VTI1A: variants seen among roughly 807,000 people sequenced by gnomAD.
VTI1A encodes vesicle transport through interaction with t-SNAREs homolog 1A.
Under a neutral mutation model 34.9 loss-of-function variants are expected in VTI1A, and 22 were observed. The observed-to-expected ratio is 0.63, with a 90% CI of 0.45 to 0.90. The LOEUF (loss-of-function observed/expected upper bound fraction) is 0.90. Among genes scored for constraint, VTI1A ranks in the 40% least tolerant of loss-of-function variants. VTI1A has a pLI of 0.00. For missense variants in VTI1A, 268 were observed against 275.6 expected (o/e 0.97, Z 0.20); for synonymous variants, 87 against 97.3 (o/e 0.89, Z 0.62).
intron 5 of VTI1A, among the ~76,000 whole-genome samples, chr10:112,622,223 A>G (rs1564852776): frequency 6.6e-6 from 1 of 152,164 alleles, no homozygotes; most frequent in Non-Finnish European, 1.5e-5. Context: ...GCCAAACTGC[A>G]AACCGGTCCC....
intron 5 of VTI1A, among the ~76,000 whole-genome samples, chr10:112,605,101 G>A (rs141611271): frequency 5.6e-4 from 85 of 152,168 alleles, no homozygotes; most frequent in African/African-American, 1.8e-3. Flanking sequence ...CCCTGACAAC[G>A]TAGCCAAACC....
intron 5 of VTI1A, among the ~76,000 whole-genome samples, chr10:112,558,369 C>T (rs569866146): frequency 6.6e-6 from 1 of 152,134 alleles, no homozygotes; most frequent in East Asian, 1.9e-4. Context: ...AAGGGAAAAA[C>T]CTCTGATTTT....
Position 112,810,333 on chromosome 10 carries a change from G to T in VTI1A, c.561-4957G>T, listed in dbSNP as rs187699056. Among the ~76,000 whole-genome samples the T allele has an allele frequency of 9.6e-4, 145 of 151,700 alleles. 2 individuals are homozygous for T. The East Asian group carries it at 0.02, about 21-fold the overall frequency. ...CACGAGAATCACTTGAACCTGGGAG[G>T]GGGAGGTTGTAGTGAGCTGAGATCG... On this transcript the variant is annotated intron_variant, in intron 7 of 7. Coordinates refer to ENST00000393077, the MANE Select transcript of VTI1A (RefSeq NM_145206.4).
chr10:112,726,309 A>G (rs1315294933), intron 7 of VTI1A, among the ~76,000 whole-genome samples: 2 of 152,184 alleles, frequency 1.3e-5, no homozygotes, highest in South Asian at 4.2e-4. Flanking sequence ...AGTGGGGAAC[A>G]CTTCTCTAAT....
intron 7 of VTI1A, among the ~76,000 whole-genome samples, chr10:112,726,218 T>C (rs1194116828): frequency 6.6e-6 from 1 of 152,112 alleles, no homozygotes; most frequent in Admixed American, 6.5e-5. Context: ...TCCAACCAGA[T>C]CCTGCTGCTT....
the VTI1A span, chr10:112,826,500 G>A: frequency 6.6e-6 from 1 of 152,288 alleles, no homozygotes; most frequent in African/African-American, 2.4e-5. Context: ...ATCCCAGCAA[G>A]TTGTGAAATG....
intron 3 of VTI1A, among the ~76,000 whole-genome samples, chr10:112,518,479 TAGG>T (rs1849868056): frequency 6.7e-6 from 1 of 149,606 alleles, no homozygotes; most frequent in Non-Finnish European, 1.5e-5. Flanking sequence ...GAGGCAGAGA[TAGG>T]AGGATTGCTT....
In VTI1A at chr10:112,525,572, GTTTA is replaced by G. The variant is rs532951038; in HGVS notation, c.265-1507_265-1504del. On this transcript the variant is annotated intron_variant, in intron 3 of 7. Transcript: ENST00000393077. ...CCCTAAAAAGCAAAGGAATGTCTAGGTTTATTTATTTTTATTTCTATTCAGCCTT... is the reference window on the plus strand; with the variant it reads ...CCCTAAAAAGCAAAGGAATGTCTAGGTTTATTTTTATTTCTATTCAGCCTT... Among the ~76,000 whole-genome samples, 386 of 152,244 alleles carry G rather than the reference GTTTA, an allele frequency of 2.5e-3. 1 individual carries two copies. The highest frequency in any genetic ancestry group is 4.3e-3 in the Non-Finnish European group (295 of 67,994).
At chr10:112,560,179 A>G (rs573600954) in intron 5 of VTI1A, among the ~76,000 whole-genome samples, 1 of 152,336 alleles carries the variant, frequency 6.6e-6, no homozygotes, top group South Asian at 2.1e-4. Context: ...TTTTCTATTC[A>G]GGATTCTCTG....
At position 112,815,597 on chromosome 10, in the gene VTI1A, A is replaced by AT; in HGVS notation, c.*216dup. ...CTTTTCGAGGTTTGTCTTCACCCAG[A>AT]TTCGTTTTTTAGAGGGGAAGGTGAA... is the stretch of plus-strand genomic sequence containing the variant. On this transcript the variant is annotated 3_prime_UTR_variant, in exon 8 of 8. Coordinates refer to ENST00000393077, the MANE Select transcript of VTI1A (RefSeq NM_145206.4). The AT allele has an allele frequency of 1.8e-6, 1 of 562,372 alleles. No individual in the cohort carries two copies. The highest frequency in any genetic ancestry group is 3.0e-5 in the East Asian group (1 of 33,774). 34.8% of individuals were successfully genotyped at this position (562,372 alleles called of 1,614,324 possible). A position where few individuals can be genotyped will look rare whatever the true frequency, so the allele number is the denominator to read the frequency against.
chr10:112,611,398 G>C (rs1845303382), intron 5 of VTI1A, among the ~76,000 whole-genome samples: 1 of 152,176 alleles, frequency 6.6e-6, no homozygotes. Flanking sequence ...CTGATTGATT[G>C]TCCATGCTTC....
intron 7 of VTI1A, among the ~76,000 whole-genome samples, chr10:112,805,891 T>G (rs993544076): frequency 6.6e-6 from 1 of 152,204 alleles, no homozygotes; most frequent in Admixed American, 6.5e-5. Flanking sequence ...AATAACTTTC[T>G]GTTGTTGAAG....
Position 112,574,911 on chromosome 10 carries a change from T to C in VTI1A, c.427+36581T>C, listed in dbSNP as rs1471952013. ...TTTGAATTCACTTTTTGAATACTGG[T>C]CCTAATATTGAACCCTGATATTTGC... On this transcript the variant is annotated intron_variant, in intron 5 of 7. Transcript: ENST00000393077. Among the ~76,000 whole-genome samples the C allele has an allele frequency of 2.0e-5, 3 of 152,226 alleles. No homozygotes were observed. In the South Asian group the frequency reaches 6.2e-4, roughly 32 times the overall value.
At chr10:112,447,214 C>G (rs1426198947), upstream of VTI1A, 1 of 657,698 alleles carries the variant, frequency 1.5e-6, no homozygotes, top group Non-Finnish European at 2.5e-6. Context: ...GAGATTGCGA[C>G]GAACAACCAG....
At chr10:112,601,101 A>G (rs1464646393) in intron 5 of VTI1A, among the ~76,000 whole-genome samples, 2 of 152,184 alleles carry the variant, frequency 1.3e-5, no homozygotes, top group Non-Finnish European at 2.9e-5. Context: ...TCCAGTTGCT[A>G]GCATTAGGGA....
At chr10:112,635,933 G>C (rs1469404430) in intron 5 of VTI1A, among the ~76,000 whole-genome samples, 1 of 152,178 alleles carries the variant, frequency 6.6e-6, no homozygotes, top group African/African-American at 2.4e-5. Context: ...ACTTGGAATA[G>C]TTTTTAACAG....
chr10:112,830,857 T>A, the VTI1A span, among the ~76,000 whole-genome samples: 23 of 54,930 alleles, frequency 4.2e-4, no homozygotes, highest in East Asian at 1.6e-3. Context: ...ATATTTTTTT[T>A]TTTTTTCTTG....
At chr10:112,590,800 C>T (rs1429853561) in intron 5 of VTI1A, among the ~76,000 whole-genome samples, 1 of 152,078 alleles carries the variant, frequency 6.6e-6, no homozygotes, top group Non-Finnish European at 1.5e-5. Flanking sequence ...GAGATAACCA[C>T]AACTCAAGAA....
intron 5 of VTI1A, among the ~76,000 whole-genome samples, chr10:112,557,298 AGT>A (rs1293886981): frequency 2.0e-5 from 3 of 152,122 alleles, no homozygotes; most frequent in Non-Finnish European, 4.4e-5. Flanking sequence ...CATAACTTGG[AGT>A]GTGTACCTTG....
Sources: allele counts gnomAD v4.1 joint callset (sites outside exome capture counted in the v4.1 genomes callset), GRCh38; gene constraint gnomAD v4.1.1; transcripts MANE v1.5; gene names NCBI Gene and HGNC (gene_info 2026-07-23, HGNC 2026-07-21).